Variants in CDK15 observed in about 807,000 individuals in gnomAD.
The protein encoded by CDK15 is cyclin dependent kinase 15.
In CDK15, 62 loss-of-function variants were observed where a neutral mutation model predicts 60.3. That is an observed-to-expected ratio of 1.03 (90% CI 0.84 to 1.27). The LOEUF is 1.27. Among genes scored for constraint, CDK15 ranks in the 50% most tolerant of loss-of-function variants. The pLI is 0.00. For missense variants in CDK15, 541 were observed against 527.8 expected, an observed-to-expected ratio of 1.03 and a Z score of -0.25; for synonymous variants, 194 against 195.7, an observed-to-expected ratio of 0.99 and a Z score of 0.07.
chr2:201,833,759 T>C, intron 6 of CDK15, 89 bp from the exon 7 acceptor site: 3 of 1,228,032 alleles, frequency 2.4e-6, no homozygotes, highest in East Asian at 5.5e-5. Flanking sequence ...ACTTTTACTA[T>C]ATTCTTTGAG....
chr2:201,886,266 GTTTAT>G (rs1239722057), intron 12 of CDK15, among the ~76,000 whole-genome samples: 3 of 151,520 alleles, frequency 2.0e-5, no homozygotes, highest in African/African-American at 7.3e-5. Flanking sequence ...TCTTACTTTA[GTTTAT>G]TTTCTTTTCT....
chr2:201,875,710 G>T (rs1382814753), intron 11 of CDK15, among the ~76,000 whole-genome samples: 1 of 152,160 alleles, frequency 6.6e-6, no homozygotes, highest in African/African-American at 2.4e-5. Context: ...ATAAGAGCAT[G>T]TATAGTATGA....
chr2:201,876,941 G>A (rs1699102163), intron 11 of CDK15, among the ~76,000 whole-genome samples: 1 of 151,918 alleles, frequency 6.6e-6, no homozygotes, highest in African/African-American at 2.4e-5. Flanking sequence ...GGGACTACAG[G>A]TGCATGCTAC....
At chr2:201,811,724 G>T (rs1010962884) in intron 3 of CDK15, among the ~76,000 whole-genome samples, 1 of 152,216 alleles carries the variant, frequency 6.6e-6, no homozygotes, top group Non-Finnish European at 1.5e-5. Context: ...CCCGCTGCAA[G>T]AATTTGGCTT....
intron 6 of CDK15, chr2:201,824,905 T>C (rs1696398881): frequency 4.2e-6 from 2 of 472,914 alleles, no homozygotes; most frequent in African/African-American, 4.1e-5. Context: ...TTTTCCATAG[T>C]AGTAAATTTT....
At chr2:201,835,954 ATT>A (rs1360682179) in intron 8 of CDK15, among the ~76,000 whole-genome samples, 191 bp downstream of exon 8, 1 of 116,756 alleles carries the variant, frequency 8.6e-6, no homozygotes, top group African/African-American at 3.3e-5. Flanking sequence ...ATTTATATAT[ATT>A]TGTATATATT....
chr2:201,863,158 A>G (rs1279451908), intron 10 of CDK15, among the ~76,000 whole-genome samples: 1 of 152,170 alleles, frequency 6.6e-6, no homozygotes, highest in Admixed American at 6.5e-5. Context: ...AAATTAATTT[A>G]GATACACAGC....
At chr2:201,839,320 T>G (rs1340407726) in intron 8 of CDK15, among the ~76,000 whole-genome samples, 1 of 152,240 alleles carries the variant, frequency 6.6e-6, no homozygotes, top group Non-Finnish European at 1.5e-5. Flanking sequence ...GTAACTGACC[T>G]GTACTTATTG....
intron 6 of CDK15, among the ~76,000 whole-genome samples, chr2:201,829,902 G>A (rs1369737916): frequency 6.6e-6 from 1 of 151,998 alleles, no homozygotes; most frequent in African/African-American, 2.4e-5. Context: ...CCGCTTCCTG[G>A]GTTCAAGGGA....
chr2:201,891,274 G>A (rs747353196), intron 13 of CDK15, among the ~76,000 whole-genome samples: 4 of 152,184 alleles, frequency 2.6e-5, no homozygotes, highest in African/African-American at 4.8e-5. Context: ...CACTCCTGGT[G>A]CGTCAGCCTC....
chr2:201,812,670 C>A, intron 4 of CDK15, 108 bp downstream of exon 4: 1 of 532,784 alleles, frequency 1.9e-6, no homozygotes, highest in Non-Finnish European at 3.3e-6. Context: ...TTCTGGAATA[C>A]TATAATTACA....
intron 9 of CDK15, among the ~76,000 whole-genome samples, chr2:201,852,715 A>C (rs764261945): frequency 1.3e-5 from 2 of 152,190 alleles, no homozygotes; most frequent in Non-Finnish European, 2.9e-5. Context: ...TTTGGTTTTC[A>C]GTTTCCCAGA....
chr2:201,842,819 T>TCACA (rs1697459071), intron 8 of CDK15, among the ~76,000 whole-genome samples: 1 of 152,178 alleles, frequency 6.6e-6, no homozygotes, highest in Non-Finnish European at 1.5e-5. Flanking sequence ...CATCTCTCCC[T>TCACA]TCTGGAAGGG....
intron 3 of CDK15, among the ~76,000 whole-genome samples, chr2:201,811,175 G>A (rs1255679972): frequency 1.4e-5 from 2 of 138,950 alleles, no homozygotes; most frequent in Non-Finnish European, 3.1e-5. Context: ...TTTTGAGACG[G>A]AGTCTTGCTC....
At chr2:201,851,170 T>C (rs1383420683) in intron 9 of CDK15, among the ~76,000 whole-genome samples, 1 of 151,878 alleles carries the variant, frequency 6.6e-6, no homozygotes, top group Admixed American at 6.6e-5. Context: ...TGTGCACCTG[T>C]AGTCCCAGCT....
chr2:201,892,379 A>G (rs868245246), intron 13 of CDK15, among the ~76,000 whole-genome samples: 9 of 152,172 alleles, frequency 5.9e-5, no homozygotes, highest in Admixed American at 2.0e-4. Context: ...CTCCATTAAC[A>G]TTATTATTAT....
At chr2:201,885,456 T>C (rs1014529452) in intron 12 of CDK15, among the ~76,000 whole-genome samples, 3 of 152,178 alleles carry the variant, frequency 2.0e-5, no homozygotes, top group Admixed American at 2.0e-4. Context: ...ACCTTTTAAA[T>C]CCTCCATTAA....
At chr2:201,875,931 T>A (rs1434959469) in intron 11 of CDK15, among the ~76,000 whole-genome samples, 1 of 152,198 alleles carries the variant, frequency 6.6e-6, no homozygotes, top group East Asian at 1.9e-4. Flanking sequence ...CCTCTTGAAA[T>A]GTTACTAGAA....
intron 9 of CDK15, among the ~76,000 whole-genome samples, chr2:201,850,103 G>A (rs1217552388): frequency 1.3e-5 from 2 of 152,118 alleles, no homozygotes; most frequent in African/African-American, 4.8e-5. Context: ...GATTACAGGC[G>A]TGAGCCACCG....
Sources: gnomAD v4.1 joint callset for allele counts (sites outside exome capture counted in the v4.1 genomes callset) on GRCh38, gnomAD v4.1.1 for gene constraint, MANE v1.5 for transcripts, NCBI Gene and HGNC (gene_info 2026-07-23, HGNC 2026-07-21) for gene names.